The following ADGRL3 variants were observed in gnomAD, a reference collection of about 807,000 sequenced individuals.
ADGRL3 encodes the protein adhesion G protein-coupled receptor L3, also known as calcium-independent alpha-latrotoxin receptor 3.
Under a neutral mutation model 153.5 loss-of-function variants are expected in ADGRL3, and 62 were observed. The ratio of observed to expected loss-of-function variants is 0.40; its 90% CI spans 0.33 to 0.50. The LOEUF (loss-of-function observed/expected upper bound fraction) is 0.50, where lower values mean the gene tolerates loss of function less well. Among genes scored for constraint, ADGRL3 ranks in the 20% least tolerant of loss-of-function variants. ADGRL3 has a pLI of 0.47. For synonymous variants in ADGRL3, 710 were observed against 672.5 expected (o/e 1.06, Z -0.86); for missense variants, 1,641 against 1,859.4 (o/e 0.88, Z 2.16).
intron 8 of ADGRL3, among the ~76,000 whole-genome samples, chr4:61,749,471 A>C (rs951995812): frequency 6.6e-6 from 1 of 152,226 alleles, no homozygotes; most frequent in African/African-American, 2.4e-5. Context: ...AATATCCAAC[A>C]ATGATAGACT....
At chr4:61,808,810 G>A (rs933956037) in intron 8 of ADGRL3, among the ~76,000 whole-genome samples, 16 of 136,054 alleles carry the variant, frequency 1.2e-4, no homozygotes, top group Non-Finnish European at 2.3e-4. Flanking sequence ...TTTTTTTTAA[G>A]GATCAGAGCT....
chr4:61,580,720 G>A (rs944901227), intron 4 of ADGRL3, among the ~76,000 whole-genome samples: 14 of 152,008 alleles, frequency 9.2e-5, no homozygotes, highest in African/African-American at 1.9e-4. Context: ...ATGTGCATCC[G>A]AAGTTCATCC....
At chr4:61,913,974 C>A (rs1311941733) in intron 13 of ADGRL3, among the ~76,000 whole-genome samples, 1 of 152,078 alleles carries the variant, frequency 6.6e-6, no homozygotes, top group Admixed American at 6.6e-5. Context: ...ACATGAATAT[C>A]TTGATATCCT....
chr4:61,458,436 G>A (rs335346), intron 2 of ADGRL3, among the ~76,000 whole-genome samples: 140,869 of 151,064 alleles, frequency 0.93, 66,499 homozygotes, highest in East Asian at 1. Context: ...AGGACCAGAA[G>A]TAACATCTCT....
At chr4:61,402,276 G>T (rs1435702944) in intron 2 of ADGRL3, among the ~76,000 whole-genome samples, 6 of 151,946 alleles carry the variant, frequency 3.9e-5, no homozygotes, top group East Asian at 1.9e-4. Context: ...TATTTATTTT[G>T]ATATTATTTA....
At chr4:61,253,032 T>G (rs1291095323) in intron 1 of ADGRL3, among the ~76,000 whole-genome samples, 3 of 152,210 alleles carry the variant, frequency 2.0e-5, no homozygotes, top group African/African-American at 7.2e-5. Context: ...GCCAGTTATA[T>G]GAGTAGCTCT....
intron 5 of ADGRL3, among the ~76,000 whole-genome samples, chr4:61,658,041 A>G (rs1351207231): frequency 6.6e-6 from 1 of 152,098 alleles, no homozygotes; most frequent in Non-Finnish European, 1.5e-5. Flanking sequence ...GTCATTTGTC[A>G]TTTTCCTAAA....
At position 61,930,175 on chromosome 4, in the gene ADGRL3, CAA is replaced by C. The variant is rs5858743; in HGVS notation, c.2113-4648_2113-4647del. Among the ~76,000 whole-genome samples, 40 of 72,510 alleles carry C rather than the reference CAA, an allele frequency of 5.5e-4. 1 individual carries two copies. In the South Asian group the frequency reaches 7.4e-3, roughly 13 times the overall value. 47.6% of individuals were successfully genotyped at this position (72,510 alleles called of 152,430 possible). ...TGGGCGACAGAGCAAGACTCTGTCT[CAA>C]AAAAAAAAAAAAAAAATGCCATGGT... On this transcript the variant is annotated intron_variant, in intron 13 of 26. Coordinates refer to ENST00000683033, the MANE Select transcript of ADGRL3 (RefSeq NM_001387552.1).
At chr4:61,691,489 T>C (rs952868016) in intron 6 of ADGRL3, among the ~76,000 whole-genome samples, 2 of 152,168 alleles carry the variant, frequency 1.3e-5, no homozygotes, top group African/African-American at 4.8e-5. Flanking sequence ...TTACTACAAA[T>C]ATCCAAGTGA....
chr4:61,594,847 G>A (rs2098982718), intron 5 of ADGRL3, among the ~76,000 whole-genome samples: 1 of 152,124 alleles, frequency 6.6e-6, no homozygotes, highest in Non-Finnish European at 1.5e-5. Context: ...TTTGCCTGAT[G>A]TTCTATTCTT....
Position 61,619,467 on chromosome 4 carries a change from T to C in ADGRL3, c.473+32027T>C, listed in dbSNP as rs190938306. On this transcript the variant is annotated intron_variant, in intron 5 of 26. Transcript: ENST00000683033. ...TACTCAGCACAGACATTTGAAATGT[T>C]CCATTTTTGTTTCATTGCTTTATTG... Among the ~76,000 whole-genome samples, 268 of 152,186 alleles carry C rather than the reference T, an allele frequency of 1.8e-3. 1 individual carries two copies. Among genetic ancestry groups the C allele is most frequent in the Non-Finnish European group, 3.1e-3 (213 of 68,014 alleles).
At chr4:61,492,063 G>A (rs1282255751) in intron 2 of ADGRL3, among the ~76,000 whole-genome samples, 28 of 151,694 alleles carry the variant, frequency 1.8e-4, no homozygotes, top group Admixed American at 1.8e-3. Context: ...TGCTTAATGG[G>A]AAACTCCTGT....
At chr4:61,221,952 A>G (rs1460903942) in intron 1 of ADGRL3, among the ~76,000 whole-genome samples, 1 of 152,154 alleles carries the variant, frequency 6.6e-6, no homozygotes, top group Non-Finnish European at 1.5e-5. Context: ...ATTTGTTGAA[A>G]ATAAATATTA....
intron 9 of ADGRL3, among the ~76,000 whole-genome samples, chr4:61,846,066 G>A (rs528137584): frequency 1.3e-5 from 2 of 152,194 alleles, no homozygotes; most frequent in East Asian, 1.9e-4. Context: ...TGTAATTCCA[G>A]CATTCCAGAA....
rs868539990 is a variant in ADGRL3, at chr4:61,863,439, G to T, written c.1481-29217G>T. 4.7e-3 allele frequency among the ~76,000 whole-genome samples: 705 copies of T among 151,392 alleles called. 10 individuals carry two copies. Among genetic ancestry groups the T allele is most frequent in the African/African-American group, 0.016 (661 of 41,268 alleles). Reference sequence around the variant, plus strand: ...TTTTTAGTAGAGACGAGGTTTCACCGTTTTAGCCGGGATGGTCTCGATCTC... The same window carrying T: ...TTTTTAGTAGAGACGAGGTTTCACCTTTTTAGCCGGGATGGTCTCGATCTC... On this transcript the variant is annotated intron_variant, in intron 9 of 26. Transcript: ENST00000683033.
chr4:61,324,228 G>A (rs978910703), intron 1 of ADGRL3, among the ~76,000 whole-genome samples: 2 of 152,042 alleles, frequency 1.3e-5, no homozygotes, highest in African/African-American at 2.4e-5. Flanking sequence ...GAGCCAAACC[G>A]TATCACCCAC....
chr4:61,496,274 C>T (rs1195510730), intron 2 of ADGRL3, among the ~76,000 whole-genome samples: 2 of 152,104 alleles, frequency 1.3e-5, no homozygotes. Context: ...AAATATTTTA[C>T]TATTCTAATG....
chr4:61,674,146 TTAGA>T (rs34037060), intron 5 of ADGRL3, among the ~76,000 whole-genome samples: 44,095 of 147,216 alleles, frequency 0.3, 6,719 homozygotes, highest in East Asian at 0.39. Flanking sequence ...CGATGCATTT[TTAGA>T]TAGATAGATA....
intron 1 of ADGRL3, among the ~76,000 whole-genome samples, chr4:61,289,673 T>C (rs894538045): frequency 2.0e-5 from 3 of 152,048 alleles, no homozygotes; most frequent in Non-Finnish European, 2.9e-5. Context: ...TGGATATTGA[T>C]GTACCAAGGA....
Sources: allele counts gnomAD v4.1 joint callset (sites outside exome capture counted in the v4.1 genomes callset), GRCh38; gene constraint gnomAD v4.1.1; transcripts MANE v1.5; gene names NCBI Gene and HGNC (gene_info 2026-07-23, HGNC 2026-07-21).